The following APH1B variants were observed in gnomAD, a reference collection of about 807,000 sequenced individuals.
APH1B encodes gamma-secretase subunit APH-1B.
In APH1B, 27 loss-of-function variants were observed where a neutral mutation model predicts 28.2. That is an observed-to-expected ratio of 0.96 (90% CI 0.70 to 1.32). APH1B has a LOEUF of 1.32. Ranked by LOEUF, APH1B falls within the 40% of genes most tolerant of loss-of-function variation. APH1B has a pLI of 0.00. For missense variants in APH1B, 305 were observed against 313.6 expected, an observed-to-expected ratio of 0.97 and a Z score of 0.21; for synonymous variants, 141 against 124.6, an observed-to-expected ratio of 1.13 and a Z score of -0.88.
At chr15:63,286,856 G>C (rs1327416826) in intron 3 of APH1B, among the ~76,000 whole-genome samples, 1 of 152,146 alleles carries the variant, frequency 6.6e-6, no homozygotes, top group Non-Finnish European at 1.5e-5. Context: ...AGGTTTGAAA[G>C]TTAGATTTTT....
rs372470652 is a variant in APH1B, at chr15:63,305,809, G to A, written c.*28G>A. ...TCAGGGAACCAGCACTTCCCAAACC[G>A]CAGACTACATCTTTAGAGGAAGCAC... On this transcript the variant is annotated 3_prime_UTR_variant, in exon 6 of 6. Coordinates refer to ENST00000261879, the MANE Select transcript of APH1B (RefSeq NM_031301.4). 1.2e-5 allele frequency: 19 copies of A among 1,598,326 alleles called. No homozygotes were observed. The highest frequency in any genetic ancestry group is 4.5e-5 in the East Asian group (2 of 44,788).
Position 63,279,557 on chromosome 15 carries a change from A to C in APH1B, c.284+226A>C, listed in dbSNP as rs374454164. ...TTCAAAAAAATATTTCTTGAGAATC[A>C]ATCCCAGACACTATCCTAGGTACTG... On this transcript the variant is annotated intron_variant, in intron 2 of 5. Coordinates refer to ENST00000261879, the MANE Select transcript of APH1B (RefSeq NM_031301.4). 2.6e-5 allele frequency among the ~76,000 whole-genome samples: 4 copies of C among 152,210 alleles called. No homozygotes were observed. The East Asian group carries it at 5.8e-4, about 22-fold the overall frequency.
chr15:63,286,461 T>A (rs2038446457), intron 2 of APH1B, 97 bp from the exon 3 acceptor site: 11 of 930,236 alleles, frequency 1.2e-5, no homozygotes, highest in Non-Finnish European at 1.6e-5. Flanking sequence ...CCTCAGTGAG[T>A]ATCTGGGTTT....
At chr15:63,285,308 A>G (rs1335077628) in intron 2 of APH1B, among the ~76,000 whole-genome samples, 1 of 152,250 alleles carries the variant, frequency 6.6e-6, no homozygotes, top group African/African-American at 2.4e-5. Context: ...ATGCCCAGAA[A>G]GTAAGTATGT....
At position 63,303,663 on chromosome 15, in the gene APH1B, CTT is replaced by C. The variant is rs2038655945; in HGVS notation, c.606+1194_606+1195del. Among the ~76,000 whole-genome samples the C allele has an allele frequency of 2.0e-5, 3 of 152,172 alleles. No individual in the cohort carries two copies. The South Asian group carries it at 6.2e-4, about 32-fold the overall frequency. On this transcript the variant is annotated intron_variant, in intron 5 of 5. Coordinates refer to ENST00000261879, the MANE Select transcript of APH1B (RefSeq NM_031301.4). ...GGCATGCGCCGTCATGCCTGGCTAA[CTT>C]TTAAATTTTTTTGTAGAGATGAGCT...
chr15:63,288,403 T>A (rs2152595564), intron 4 of APH1B, among the ~76,000 whole-genome samples: 1 of 152,338 alleles, frequency 6.6e-6, no homozygotes, highest in East Asian at 1.9e-4. Flanking sequence ...ATGTTGAATG[T>A]CATAGTGATC....
At chr15:63,278,049 T>A in intron 1 of APH1B, 1 of 398,656 alleles carries the variant, frequency 2.5e-6, no homozygotes, top group Admixed American at 3.9e-5. Context: ...GGAGGGGGAG[T>A]CCCTAATTTC....
chr15:63,300,703 G>A (rs1567032358), intron 4 of APH1B, among the ~76,000 whole-genome samples: 2 of 152,044 alleles, frequency 1.3e-5, no homozygotes, highest in South Asian at 4.1e-4. Flanking sequence ...ATCTACCACC[G>A]TTTACTGAAA....
Position 63,306,169 on chromosome 15 carries a change from G to A in APH1B, c.*388G>A, listed in dbSNP as rs1224934339. ...TAAGTGGATGAGAATCTGGTCTTTAGCTGTCTCCTAACTCAACTCGTGCTG... is the reference window on the plus strand; with the variant it reads ...TAAGTGGATGAGAATCTGGTCTTTAACTGTCTCCTAACTCAACTCGTGCTG... On this transcript the variant is annotated 3_prime_UTR_variant, in exon 6 of 6. Coordinates refer to ENST00000261879, the MANE Select transcript of APH1B (RefSeq NM_031301.4). 1 of 173,094 alleles carries A rather than the reference G, an allele frequency of 5.8e-6. No individual in the cohort carries two copies. The highest frequency in any genetic ancestry group is 1.8e-4 in the East Asian group (1 of 5,620). The allele number at this position is 173,094 out of a possible 1,614,324, so 10.7% of individuals were successfully genotyped here.
chr15:63,280,901 C>G (rs1309456108), intron 2 of APH1B, among the ~76,000 whole-genome samples: 1 of 152,168 alleles, frequency 6.6e-6, no homozygotes, highest in African/African-American at 2.4e-5. Context: ...GTAACCCTGA[C>G]ATTTTGGGAA....
In APH1B at chr15:63,307,600, A is replaced by G. The variant is rs1302791537; in HGVS notation, c.*1819A>G. 6.6e-6 allele frequency: 1 copy of G among 152,194 alleles called. No homozygotes were observed. The highest frequency in any genetic ancestry group is 2.1e-4 in the South Asian group (1 of 4,828). 9.4% of individuals were successfully genotyped at this position (152,194 alleles called of 1,614,324 possible). A position where few individuals can be genotyped will look rare whatever the true frequency, so the allele number is the denominator to read the frequency against. The stretch of plus-strand genomic sequence containing the variant: ...TGTACAACATCAAGGGGAATAGGAT[A>G]CTCATCAAACTGGGATTATTCTTAT... On this transcript the variant is annotated 3_prime_UTR_variant, in exon 6 of 6. Transcript: ENST00000261879.
chr15:63,293,498 C>CT (rs1284708232), intron 4 of APH1B, among the ~76,000 whole-genome samples: 2,869 of 126,682 alleles, frequency 0.023, 91 homozygotes, highest in African/African-American at 0.071. Flanking sequence ...TCTTCTTCTT[C>CT]TTTTTTTTTT....
In APH1B at chr15:63,286,338, G is replaced by A. The variant is rs149162177; in HGVS notation, c.285-220G>A. Among the ~76,000 whole-genome samples the A allele has an allele frequency of 6.1e-4, 92 of 152,062 alleles. 1 individual carries two copies. The East Asian group carries it at 0.014, about 23-fold the overall frequency. ...ACTTATATTTTTCTTATTCTTTTAT[G>A]GGAATGTCAAAAGGTAAAAATTAGT... is the stretch of plus-strand genomic sequence containing the variant. On this transcript the variant is annotated intron_variant, in intron 2 of 5. Transcript: ENST00000261879.
intron 2 of APH1B, among the ~76,000 whole-genome samples, chr15:63,282,867 TTC>T (rs79521450): frequency 3.9e-5 from 6 of 152,326 alleles, no homozygotes; most frequent in South Asian, 2.1e-4. Flanking sequence ...TCATACTCCT[TTC>T]TCTCTCTCAC....
At chr15:63,289,977 T>TGA (rs531883136) in intron 4 of APH1B, among the ~76,000 whole-genome samples, 88 of 151,836 alleles carry the variant, frequency 5.8e-4, no homozygotes, top group Middle Eastern at 6.8e-3. Flanking sequence ...CAATCCAGCC[T>TGA]GAGTAACAGA....
At position 63,304,730 on chromosome 15, in the gene APH1B, G is replaced by A. The variant is rs1183375238; in HGVS notation, c.607-884G>A. Reference sequence around the variant, plus strand: ...TCTACAACAATCATGTATTGCTTTTGTAATTGTTTAAAAGAGGAAAAATGT... The same window carrying A: ...TCTACAACAATCATGTATTGCTTTTATAATTGTTTAAAAGAGGAAAAATGT... On this transcript the variant is annotated intron_variant, in intron 5 of 5. Coordinates refer to ENST00000261879, the MANE Select transcript of APH1B (RefSeq NM_031301.4). The surrounding 1 kb of genome is among the most constrained non-coding windows in gnomAD (Gnocchi z 5.1). Among the ~76,000 whole-genome samples, 1 of 152,050 alleles carries A rather than the reference G, an allele frequency of 6.6e-6. No individual in the cohort carries two copies. The highest frequency in any genetic ancestry group is 1.5e-5 in the Non-Finnish European group (1 of 68,008).
At chr15:63,292,145 G>T (rs993452970) in intron 4 of APH1B, 2 of 152,216 alleles carry the variant, frequency 1.3e-5, no homozygotes. Flanking sequence ...TTGTAAGCAA[G>T]ACTATCTCAA....
intron 4 of APH1B, among the ~76,000 whole-genome samples, chr15:63,301,871 A>G (rs2038631979): frequency 6.6e-6 from 1 of 152,164 alleles, no homozygotes; most frequent in South Asian, 2.1e-4. Context: ...TCGGCCTCCC[A>G]AAGTGCTGGG....
In APH1B at chr15:63,307,956, T is replaced by G. The variant is rs2038704045; in HGVS notation, c.*2175T>G. Reference sequence around the variant, plus strand: ...AATGAAGGAACTTTGTAATTCTGATTTATCGTAAAACATGAGCCTTTCCAG... The same window carrying G: ...AATGAAGGAACTTTGTAATTCTGATGTATCGTAAAACATGAGCCTTTCCAG... On this transcript the variant is annotated 3_prime_UTR_variant, in exon 6 of 6. Transcript: ENST00000261879. 1.3e-5 allele frequency: 2 copies of G among 152,254 alleles called. No homozygotes were observed. The highest frequency in any genetic ancestry group is 2.4e-5 in the African/African-American group (1 of 41,472). The allele number at this position is 152,254 out of a possible 1,614,324, so 9.4% of individuals were successfully genotyped here. A position where few individuals can be genotyped will look rare whatever the true frequency, so the allele number is the denominator to read the frequency against.
Sources: gnomAD v4.1 joint callset for allele counts (sites outside exome capture counted in the v4.1 genomes callset) on GRCh38, gnomAD v4.1.1 for gene constraint, Gnocchi (gnomAD v3.1) non-coding constraint, MANE v1.5 for transcripts, NCBI Gene and HGNC (gene_info 2026-07-23, HGNC 2026-07-21) for gene names.